FLNC: variants seen among roughly 807,000 people sequenced by gnomAD.
FLNC encodes the protein filamin-C.
A neutral mutation model predicts 254.3 loss-of-function variants in FLNC; 91 were observed. The observed-to-expected ratio is 0.36, with a 90% CI of 0.30 to 0.43. The LOEUF (loss-of-function observed/expected upper bound fraction) is 0.43, where lower values mean the gene tolerates loss of function less well. Among genes scored for constraint, FLNC ranks in the 20% least tolerant of loss-of-function variants. The pLI, the probability that FLNC is intolerant of heterozygous loss-of-function variation, is 1.00. For missense variants in FLNC, 2,853 were observed against 3,802.6 expected, an observed-to-expected ratio of 0.75 and a Z score of 6.57; for synonymous variants, 1,430 against 1,577.2, an observed-to-expected ratio of 0.91 and a Z score of 2.21.
At position 128,837,656 on chromosome 7, in the gene FLNC, C is replaced by G; in HGVS notation, c.870C>G (p.Asn290Lys). 2 of 1,612,584 alleles carry G rather than the reference C, an allele frequency of 1.2e-6. No homozygotes were observed. Among genetic ancestry groups the G allele is most frequent in the Non-Finnish European group, 1.7e-6 (2 of 1,179,994 alleles). The change falls in exon 5 of 48, where the codon AAC becomes AAG. Residue 290 changes from asparagine (N) to lysine (K), a missense_variant. Asn to Lys is a moderately conservative substitution (Grantham distance 94). Transcript: ENST00000325888. ...CCGTAGGCATCGAGCCACAGGGCAA[C>G]ACCGTGCTGCAGCCTGCCCACTTCA... is the stretch of plus-strand genomic sequence containing the variant. The part of the protein sequence containing the change: ...AYGPGIEPQG[N>K]TVLQPAHFTV...
intron 1 of FLNC, among the ~76,000 whole-genome samples, chr7:128,833,052 A>G (rs563881111): frequency 6.6e-6 from 1 of 152,300 alleles, no homozygotes; most frequent in South Asian, 2.1e-4. Context: ...CAGGGTCTGG[A>G]GTAGCAGCTG....
chr7:128,847,575 T>G, intron 24 of FLNC, 122 bp from the exon 25 acceptor site: 5 of 1,078,178 alleles, frequency 4.6e-6, no homozygotes, highest in Non-Finnish European at 7.1e-6. Flanking sequence ...CATTTTCCCA[T>G]GTTGGTCTGG....
Position 128,849,503 on chromosome 7 carries a change from G to A in FLNC, c.5124G>A (p.Ala1708=), listed in dbSNP as rs764707313. 5.1e-5 allele frequency: 82 copies of A among 1,614,052 alleles called. No individual in the cohort carries two copies. The highest frequency in any genetic ancestry group is 6.6e-5 in the South Asian group (6 of 91,086). ...HDGTFDIYYT[A]PEPGKYVITI... ...GTACCTTTGACATCTACTACACAGCGCCCGAGCCGGGCAAGTACGTCATCA... is the reference window on the plus strand; with the variant it reads ...GTACCTTTGACATCTACTACACAGCACCCGAGCCGGGCAAGTACGTCATCA... The change falls in exon 30 of 48, where the codon GCG becomes GCA. Residue 1708 remains alanine (A), a synonymous_variant. Coordinates refer to ENST00000325888, the MANE Select transcript of FLNC (RefSeq NM_001458.5).
rs2128938046 is a variant in FLNC at position 128,850,287 on chromosome 7, T to C, written c.5299-97T>C. ...CTGCCACGCTGGTTTCATGATTAAC[T>C]ACCTTGTTCTTTCCTCACTCTCCAG... On this transcript the variant is annotated intron_variant, in intron 31 of 47. Transcript: ENST00000325888. The C allele has an allele frequency of 8.1e-6, 9 of 1,106,740 alleles. No individual in the cohort carries two copies. The South Asian group carries it at 8.7e-5, about 11-fold the overall frequency. The allele number at this position is 1,106,740 out of a possible 1,614,324, so 68.6% of individuals were successfully genotyped here. A position where few individuals can be genotyped will look rare whatever the true frequency, so the allele number is the denominator to read the frequency against.
rs765885585 is a variant in FLNC at position 128,837,684 on chromosome 7, G to A, written c.898G>A (p.Val300Met). The A allele has an allele frequency of 2.2e-5, 36 of 1,611,798 alleles. No individual in the cohort carries two copies. Among genetic ancestry groups the A allele is most frequent in the South Asian group, 1.3e-4 (12 of 91,036 alleles). The stretch of plus-strand genomic sequence containing the variant: ...CGTGCTGCAGCCTGCCCACTTCACC[G>A]TGCAGACGGTGGACGCGGGCGTGGG... ...NTVLQPAHFT[V>M]QTVDAGVGEV... Residue 300 changes from valine (V) to methionine (M), a missense_variant, in exon 5 of 48, where the codon GTG becomes ATG. Physicochemically the swap from Val to Met is conservative, Grantham distance 21. Around this residue, in one of 10 missense-constraint regions of FLNC, gnomAD observed 1,573 missense variants for 1,883.5 expected, o/e 0.84. Coordinates refer to ENST00000325888, the MANE Select transcript of FLNC (RefSeq NM_001458.5).
intron 33 of FLNC, 76 bp from the exon 34 acceptor site, chr7:128,851,156 T>C: frequency 6.2e-7 from 1 of 1,607,634 alleles, no homozygotes; most frequent in Non-Finnish European, 8.5e-7. Context: ...GGGAGGCTGC[T>C]GGAAGGTGCT....
chr7:128,833,515 C>G (rs985933141), intron 1 of FLNC, among the ~76,000 whole-genome samples: 2 of 152,208 alleles, frequency 1.3e-5, no homozygotes, highest in African/African-American at 4.8e-5. Context: ...TGCCCTTCTC[C>G]TGCCCCAAGC....
At chr7:128,838,858 A>G in intron 8 of FLNC, 55 bp downstream of exon 8, 1 of 1,540,332 alleles carries the variant, frequency 6.5e-7, no homozygotes, top group Non-Finnish European at 8.9e-7. Context: ...AGAGGCTTGC[A>G]AGGGGCAGGA....
In FLNC at chr7:128,841,634, G is replaced by A; in HGVS notation, c.2121+67G>A. 1 of 1,243,004 alleles carries A rather than the reference G, an allele frequency of 8.0e-7. No homozygotes were observed. The highest frequency in any genetic ancestry group is 1.2e-6 in the Non-Finnish European group (1 of 842,258). 77.0% of individuals were successfully genotyped at this position (1,243,004 alleles called of 1,614,324 possible). ...CAGGGACCCTGGAAGGCAGGGCCAG[G>A]CCAGAGGCAGAGGCCTCCCAGCAGG... is the stretch of plus-strand genomic sequence containing the variant. On this transcript the variant is annotated intron_variant, in intron 13 of 47. Coordinates refer to ENST00000325888, the MANE Select transcript of FLNC (RefSeq NM_001458.5). The surrounding 1 kb of genome is among the most constrained non-coding windows in gnomAD (Gnocchi z 4.3).
In FLNC at chr7:128,840,177, A is replaced by G. The variant is rs1459741875; in HGVS notation, c.1549+17A>G. 1.2e-6 allele frequency: 2 copies of G among 1,613,156 alleles called. No individual in the cohort carries two copies. The highest frequency in any genetic ancestry group is 1.3e-5 in the African/African-American group (1 of 75,054). On this transcript the variant is annotated intron_variant, in intron 9 of 47. Coordinates refer to ENST00000325888, the MANE Select transcript of FLNC (RefSeq NM_001458.5). The stretch of plus-strand genomic sequence containing the variant: ...AGGGGCCAAGTGAGTGCCAGAGCCC[A>G]GGGTCGTGAGGGTGGGGCTGGGGGA...
At chr7:128,849,059 C>T (rs1217905460) in intron 28 of FLNC, 77 bp downstream of exon 28, 1 of 1,594,690 alleles carries the variant, frequency 6.3e-7, no homozygotes, top group Non-Finnish European at 8.6e-7. Flanking sequence ...GGCCTGGTCC[C>T]CAGGGGTCTG....
Position 128,858,920 on chromosome 7 carries a change from T to G in FLNC, c.*397T>G. ...CCCTCAAACTGCACCGCCGGCCAGA[T>G]ACCCTCCTGACCCCGAGGACTTGGT... On this transcript the variant is annotated 3_prime_UTR_variant, in exon 48 of 48. Transcript: ENST00000325888. This position sits in a 1 kb window ranked among gnomAD's most constrained non-coding sequence, Gnocchi z 6.7. The G allele has an allele frequency of 3.8e-6, 1 of 264,286 alleles. No homozygotes were observed. Among genetic ancestry groups the G allele is most frequent in the Non-Finnish European group, 7.4e-6 (1 of 134,656 alleles). The allele number at this position is 264,286 out of a possible 1,614,324, so 16.4% of individuals were successfully genotyped here.
Position 128,841,404 on chromosome 7 carries a change from C to A in FLNC, c.2007+41C>A. On this transcript the variant is annotated intron_variant, in intron 12 of 47. Coordinates refer to ENST00000325888, the MANE Select transcript of FLNC (RefSeq NM_001458.5). This position sits in a 1 kb window ranked among gnomAD's most constrained non-coding sequence, Gnocchi z 4.3. ...ACACACACCTGCCCCGGGGGTGGGG[C>A]AAGCTGGTTCTCCTCCCCTCCCCAA... The A allele has an allele frequency of 6.2e-7, 1 of 1,612,600 alleles. No individual in the cohort carries two copies.
chr7:128,836,632 A>T lies in FLNC; in HGVS notation c.602-528A>T, dbSNP rs1808103303. On this transcript the variant is annotated intron_variant, in intron 2 of 47. Transcript: ENST00000325888. This position sits in a 1 kb window ranked among gnomAD's most constrained non-coding sequence, Gnocchi z 6.0. ...TCATTCTCTCCTCACAGGCCCTTTAATGCCTCAGTTTCCCCAAGTGAGCAG... is the reference window on the plus strand; with the variant it reads ...TCATTCTCTCCTCACAGGCCCTTTATTGCCTCAGTTTCCCCAAGTGAGCAG... 6.6e-6 allele frequency among the ~76,000 whole-genome samples: 1 copy of T among 152,178 alleles called. No individual in the cohort carries two copies. The highest frequency in any genetic ancestry group is 2.1e-4 in the South Asian group (1 of 4,830).
rs534843611 is a variant in FLNC, at chr7:128,831,441, G to A, written c.352+452G>A. 1.5e-4 allele frequency among the ~76,000 whole-genome samples: 23 copies of A among 152,344 alleles called. 1 individual carries two copies. In the South Asian group the frequency reaches 4.3e-3, roughly 29 times the overall value. ...CCCCTCCGCGGGCTGGGAGAGGGCT[G>A]AAGACAGGTCCCCAACCACTGCCCG... On this transcript the variant is annotated intron_variant, in intron 1 of 47. Transcript: ENST00000325888.
rs762680314 is a variant in FLNC at position 128,854,058 on chromosome 7, G to A, written c.6569G>A (p.Arg2190His). 16 of 1,613,140 alleles carry A rather than the reference G, an allele frequency of 9.9e-6. No individual in the cohort carries two copies. Among genetic ancestry groups the A allele is most frequent in the African/African-American group, 4.0e-5 (3 of 74,950 alleles). The change falls in exon 40 of 48, where the codon CGC (arginine) becomes CAC (histidine). Residue 2190 changes from arginine to histidine, a missense_variant. Coordinates refer to ENST00000325888, the MANE Select transcript of FLNC (RefSeq NM_001458.5). ...RSSHTYTRTE[R>H]TEISKTRGGE... is the part of the protein sequence containing the mutation. ...AGCCACACCTACACCCGCACGGAGC[G>A]CACGGAGATCAGCAAGACGCGGGGC...
chr7:128,843,375 A>T, intron 17 of FLNC, 33 bp from the exon 18 acceptor site: 1 of 1,613,454 alleles, frequency 6.2e-7, no homozygotes, highest in Non-Finnish European at 8.5e-7. Flanking sequence ...GGTGGCTGCC[A>T]GGCCCTCACC....
At position 128,848,779 on chromosome 7, in the gene FLNC, T is replaced by C; in HGVS notation, c.4738-14T>C. On this transcript the variant is annotated splice_polypyrimidine_tract_variant and intron_variant, in intron 27 of 47. Coordinates refer to ENST00000325888, the MANE Select transcript of FLNC (RefSeq NM_001458.5). Reference sequence around the variant, plus strand: ...CCAGGCACAGGCGGGCCTTGACCTCTGCTTCTCCCTCAGGACCCCGAGGGT... The same window carrying C: ...CCAGGCACAGGCGGGCCTTGACCTCCGCTTCTCCCTCAGGACCCCGAGGGT... The C allele has an allele frequency of 6.2e-7, 1 of 1,614,142 alleles. No homozygotes were observed. Among genetic ancestry groups the C allele is most frequent in the South Asian group, 1.1e-5 (1 of 91,086 alleles).
chr7:128,853,421 C>T (rs1387209378), intron 37 of FLNC, 48 bp from the exon 38 acceptor site: 2 of 1,609,328 alleles, frequency 1.2e-6, no homozygotes, highest in Admixed American at 3.4e-5. Context: ...AGCATTGTGG[C>T]TTGGCCAGCC....
Sources: allele counts gnomAD v4.1 joint callset (sites outside exome capture counted in the v4.1 genomes callset), GRCh38; gene constraint gnomAD v4.1.1; regional missense constraint gnomAD v4.1.1; non-coding constraint Gnocchi (gnomAD v3.1); transcripts MANE v1.5; gene names NCBI Gene and HGNC (gene_info 2026-07-23, HGNC 2026-07-21).